MYLK: variants seen among roughly 807,000 people sequenced by gnomAD.
The protein encoded by MYLK is myosin light chain kinase.
A neutral mutation model predicts 203.4 loss-of-function variants in MYLK; 106 were observed. The observed-to-expected ratio is 0.52, with a 90% CI of 0.45 to 0.61. The LOEUF (loss-of-function observed/expected upper bound fraction) is 0.61. Among genes scored for constraint, MYLK ranks in the 20% least tolerant of loss-of-function variants. The probability of loss-of-function intolerance (pLI) is 0.00; values close to 1 mark genes in which losing one functional copy is unlikely to be tolerated. For missense variants in MYLK, 2,072 were observed against 2,442.3 expected, an observed-to-expected ratio of 0.85 and a Z score of 3.20; for synonymous variants, 867 against 959.5, an observed-to-expected ratio of 0.90 and a Z score of 1.78.
Position 123,738,929 on chromosome 3 carries a change from C to T in MYLK, c.556G>A (p.Gly186Ser), listed in dbSNP as rs2108815704. ...QMGRFSCKIT[G>S]RPQPQVTWLK... ...CAGGTGACCTGCGGTTGGGGCCGGCCAGTGATCTTGCAGGAGAATCGTCCC... is the reference window on the plus strand; with the variant it reads ...CAGGTGACCTGCGGTTGGGGCCGGCTAGTGATCTTGCAGGAGAATCGTCCC... The change falls in exon 7 of 34, where the codon GGC becomes AGC. Residue 186 changes from glycine to serine, a missense_variant. Physicochemically the swap from Gly to Ser is moderately conservative, Grantham distance 56. Coordinates refer to ENST00000360304, the MANE Select transcript of MYLK (RefSeq NM_053025.4). 1 of 1,612,696 alleles carries T rather than the reference C, an allele frequency of 6.2e-7. No individual in the cohort carries two copies. The highest frequency in any genetic ancestry group is 2.2e-5 in the East Asian group (1 of 44,836).
chr3:123,880,968 G>T (rs1428438045), intron 1 of MYLK, among the ~76,000 whole-genome samples: 4 of 152,228 alleles, frequency 2.6e-5, no homozygotes, highest in Admixed American at 2.6e-4. Context: ...CCTTGAGTTT[G>T]TGAGGGGAAT....
intron 3 of MYLK, among the ~76,000 whole-genome samples, chr3:123,830,260 C>A (rs1383373394): frequency 6.6e-6 from 1 of 152,212 alleles, no homozygotes; most frequent in Non-Finnish European, 1.5e-5. Flanking sequence ...TCGCTTTGGT[C>A]CAGCCTCCCA....
At chr3:123,696,367 G>A (rs114085173) in intron 18 of MYLK, among the ~76,000 whole-genome samples, 11 of 152,212 alleles carry the variant, frequency 7.2e-5, no homozygotes, top group African/African-American at 2.6e-4. Flanking sequence ...CTGACAGGGT[G>A]GGGATCAGTG....
rs754578647 is a variant in MYLK at position 123,618,632 on chromosome 3, A to G, written c.5500+7T>C. 3.7e-6 allele frequency: 6 copies of G among 1,613,800 alleles called. No individual in the cohort carries two copies. In the African/African-American group the frequency reaches 5.3e-5, roughly 14 times the overall value. On this transcript the variant is annotated splice_region_variant and intron_variant, in intron 33 of 33. Coordinates refer to ENST00000360304, the MANE Select transcript of MYLK (RefSeq NM_053025.4). ...TCATGGTGAAGAGAAGCACAGCTAC[A>G]ACTTACCTTCAATCTTGCAGTCAAA...
chr3:123,726,075 A>G lies in MYLK; in HGVS notation c.1520T>C (p.Leu507Pro). ...GGAGGGGGCCACCTCCATCACGGCAAGCCCTGTGAGGGAAAAGGACAGGTC... is the reference window on the plus strand; with the variant it reads ...GGAGGGGGCCACCTCCATCACGGCAGGCCCTGTGAGGGAAAAGGACAGGTC... ...SCSWTLQVER[L>P]AVMEVAPSFS... The change falls in exon 12 of 34, where the codon CTT (leucine) becomes CCT (proline). Residue 507 changes from leucine (L) to proline (P), a missense_variant. Leu to Pro is a moderately conservative substitution (Grantham distance 98). Around this residue, in one of 3 missense-constraint regions of MYLK, gnomAD observed 683 missense variants for 643.8 expected, o/e 1.06. Coordinates refer to ENST00000360304, the MANE Select transcript of MYLK (RefSeq NM_053025.4). The G allele has an allele frequency of 6.2e-7, 1 of 1,614,182 alleles. No individual in the cohort carries two copies. The highest frequency in any genetic ancestry group is 2.2e-5 in the East Asian group (1 of 44,892).
At chr3:123,714,076 G>A (rs1217617379) in intron 13 of MYLK, among the ~76,000 whole-genome samples, 4 of 152,244 alleles carry the variant, frequency 2.6e-5, no homozygotes, top group Admixed American at 6.5e-5. Flanking sequence ...TTCATGTAAC[G>A]ATGATTCCTT....
intron 2 of MYLK, among the ~76,000 whole-genome samples, chr3:123,848,813 C>T (rs2030384741): frequency 6.6e-6 from 1 of 152,162 alleles, no homozygotes. Flanking sequence ...ACCCTGATGG[C>T]ATAATGGAGA....
intron 3 of MYLK, among the ~76,000 whole-genome samples, chr3:123,828,932 C>T: frequency 6.6e-6 from 1 of 151,714 alleles, no homozygotes; most frequent in Non-Finnish European, 1.5e-5. Flanking sequence ...TGGCTATTTT[C>T]AAAAAGACAA....
chr3:123,769,544 C>G (rs541836707), intron 4 of MYLK, among the ~76,000 whole-genome samples: 22 of 152,344 alleles, frequency 1.4e-4, no homozygotes, highest in African/African-American at 4.8e-4. Flanking sequence ...TGTCTCTCCT[C>G]TCCAATCTTT....
At chr3:123,637,679 A>T (rs1232091524) in intron 29 of MYLK, among the ~76,000 whole-genome samples, 1 of 152,122 alleles carries the variant, frequency 6.6e-6, no homozygotes, top group East Asian at 1.9e-4. Flanking sequence ...GACAATGAGG[A>T]TGCCCAGAGA....
chr3:123,629,650 C>T lies in MYLK; in HGVS notation c.4962-24G>A. The T allele has an allele frequency of 6.2e-7, 1 of 1,613,062 alleles. No individual in the cohort carries two copies. The stretch of plus-strand genomic sequence containing the variant: ...CTCTGGAGAGACAAGAGCAGGACAG[C>T]AGGTGTGGCTAGGAGAGGGCGCGAC... On this transcript the variant is annotated intron_variant, in intron 29 of 33. Coordinates refer to ENST00000360304, the MANE Select transcript of MYLK (RefSeq NM_053025.4). The surrounding 1 kb of genome is among the most constrained non-coding windows in gnomAD (Gnocchi z 4.4).
At position 123,831,529 on chromosome 3, in the gene MYLK, G is replaced by A. The variant is rs1475296392; in HGVS notation, c.-4+19C>T. On this transcript the variant is annotated intron_variant, in intron 3 of 33. Coordinates refer to ENST00000360304, the MANE Select transcript of MYLK (RefSeq NM_053025.4). ...GAGGAGGAATGGTCAACAGCATAAT[G>A]TAAACTCTGTTCACTCACCACCGTC... is the stretch of plus-strand genomic sequence containing the variant. The A allele has an allele frequency of 2.4e-6, 2 of 830,194 alleles. No homozygotes were observed. The highest frequency in any genetic ancestry group is 3.6e-5 in the African/African-American group (2 of 56,270). The allele number at this position is 830,194 out of a possible 1,614,324, so 51.4% of individuals were successfully genotyped here. A position where few individuals can be genotyped will look rare whatever the true frequency, so the allele number is the denominator to read the frequency against.
chr3:123,869,517 G>T (rs1168068755), intron 2 of MYLK, among the ~76,000 whole-genome samples: 1 of 152,042 alleles, frequency 6.6e-6, no homozygotes, highest in Non-Finnish European at 1.5e-5. Context: ...CAGAGGCTTG[G>T]CCCTTGAATC....
chr3:123,723,043 C>G (rs965665358), intron 12 of MYLK, among the ~76,000 whole-genome samples: 1 of 151,962 alleles, frequency 6.6e-6, no homozygotes, highest in Non-Finnish European at 1.5e-5. Flanking sequence ...GTTTATCATT[C>G]TGGGATGTGA....
At chr3:123,843,164 A>C (rs2066634028) in intron 2 of MYLK, among the ~76,000 whole-genome samples, 2 of 152,248 alleles carry the variant, frequency 1.3e-5, no homozygotes. Flanking sequence ...TCCATGGGTC[A>C]AAGCAAACTG....
intron 11 of MYLK, among the ~76,000 whole-genome samples, chr3:123,730,819 T>C (rs1290267484): frequency 1.3e-5 from 2 of 152,200 alleles, no homozygotes; most frequent in African/African-American, 2.4e-5. Flanking sequence ...GAAAATGTTC[T>C]GAAATCAGAT....
intron 2 of MYLK, among the ~76,000 whole-genome samples, chr3:123,844,501 A>G (rs1474012464): frequency 6.6e-6 from 1 of 152,148 alleles, no homozygotes; most frequent in Non-Finnish European, 1.5e-5. Context: ...AGTTCTTAGA[A>G]TCCTAAAATA....
At chr3:123,839,585 G>A (rs1234579265) in intron 2 of MYLK, among the ~76,000 whole-genome samples, 1 of 152,142 alleles carries the variant, frequency 6.6e-6, no homozygotes, top group African/African-American at 2.4e-5. Flanking sequence ...CCTGAAAGGA[G>A]AACTAGGAAA....
intron 4 of MYLK, among the ~76,000 whole-genome samples, chr3:123,769,853 C>T (rs1381408568): frequency 6.6e-6 from 1 of 152,134 alleles, no homozygotes; most frequent in African/African-American, 2.4e-5. Flanking sequence ...TGGTAGGTCC[C>T]AGGACTTCCT....
Sources: allele counts gnomAD v4.1 joint callset (sites outside exome capture counted in the v4.1 genomes callset), GRCh38; gene constraint gnomAD v4.1.1; regional missense constraint gnomAD v4.1.1; non-coding constraint Gnocchi (gnomAD v3.1); transcripts MANE v1.5; gene names NCBI Gene and HGNC (gene_info 2026-07-23, HGNC 2026-07-21).